Variants in EIF2B3 observed in about 807,000 individuals in gnomAD.
EIF2B3 encodes the protein translation initiation factor eIF2B subunit gamma.
A neutral mutation model predicts 54.1 loss-of-function variants in EIF2B3; 20 were observed. The ratio of observed to expected loss-of-function variants is 0.37; its 90% CI spans 0.26 to 0.54. The LOEUF (loss-of-function observed/expected upper bound fraction) is 0.54. Ranked by LOEUF, EIF2B3 falls within the 20% of genes least tolerant of loss-of-function variation. The pLI is 0.86. For synonymous variants in EIF2B3, 153 were observed against 188.1 expected, an observed-to-expected ratio of 0.81 and a Z score of 1.52; for missense variants, 448 against 547.8, an observed-to-expected ratio of 0.82 and a Z score of 1.82.
rs1194274966 is a variant in EIF2B3, at chr1:44,941,645, G to A, written c.315C>T (p.Ser105=). ...AGGCAACGTCTGTTATCAGATCACA[G>A]CTCAGCACCAGCACATCTGTCTGTT... The part of the protein sequence containing the change: ...PKLKTDVLVL[S]CDLITDVALH... The change falls in exon 4 of 12, where the codon AGC becomes AGT. Residue 105 remains serine, a synonymous_variant. Coordinates refer to ENST00000360403, the MANE Select transcript of EIF2B3 (RefSeq NM_020365.5). 1 of 1,613,974 alleles carries A rather than the reference G, an allele frequency of 6.2e-7. No homozygotes were observed. The highest frequency in any genetic ancestry group is 8.5e-7 in the Non-Finnish European group (1 of 1,180,028).
At chr1:44,946,038 T>C (rs977953265) in intron 3 of EIF2B3, among the ~76,000 whole-genome samples, 1 of 152,226 alleles carries the variant, frequency 6.6e-6, no homozygotes, top group Non-Finnish European at 1.5e-5. Flanking sequence ...GTACAGTGAA[T>C]GCCAAACAAG....
At chr1:44,858,579 C>G (rs1056523921) in intron 10 of EIF2B3, among the ~76,000 whole-genome samples, 1 of 152,100 alleles carries the variant, frequency 6.6e-6, no homozygotes, top group Non-Finnish European at 1.5e-5. Flanking sequence ...AAGCAATTCT[C>G]CTGCCTCAGC....
intron 4 of EIF2B3, among the ~76,000 whole-genome samples, chr1:44,938,306 C>T (rs1643979647): frequency 2.0e-5 from 3 of 152,052 alleles, no homozygotes; most frequent in South Asian, 4.1e-4. Flanking sequence ...TCTTAGCCTT[C>T]AAATGTAACA....
chr1:44,924,806 A>G (rs1161032626), intron 5 of EIF2B3, among the ~76,000 whole-genome samples: 3 of 152,132 alleles, frequency 2.0e-5, no homozygotes, highest in African/African-American at 7.2e-5. Context: ...TAGTTTTAAG[A>G]AAATTTCTTC....
At chr1:44,890,577 G>C (rs1655761837) in intron 6 of EIF2B3, among the ~76,000 whole-genome samples, 1 of 152,138 alleles carries the variant, frequency 6.6e-6, no homozygotes, top group Admixed American at 6.5e-5. Flanking sequence ...TCAGATATTA[G>C]GTTTGCTAAA....
chr1:44,901,966 T>C (rs1643316033), intron 5 of EIF2B3, among the ~76,000 whole-genome samples: 1 of 152,190 alleles, frequency 6.6e-6, no homozygotes, highest in South Asian at 2.1e-4. Context: ...TGTAATCCAT[T>C]TTCTTTTTTC....
intron 5 of EIF2B3, among the ~76,000 whole-genome samples, chr1:44,902,829 TAAAAAAAAAA>T (rs11458839): frequency 0.11 from 9,333 of 85,520 alleles, 1,259 homozygotes; most frequent in African/African-American, 0.33. Flanking sequence ...ACTCTTTCTT[TAAAAAAAAAA>T]AAAAAAAAAA....
intron 3 of EIF2B3, among the ~76,000 whole-genome samples, chr1:44,954,089 A>C (rs898728087): frequency 1.3e-5 from 2 of 152,214 alleles, no homozygotes; most frequent in Non-Finnish European, 2.9e-5. Flanking sequence ...TTATTTTATA[A>C]TGCTAGAAGC....
intron 11 of EIF2B3, among the ~76,000 whole-genome samples, chr1:44,855,458 T>C (rs2148892084): frequency 6.6e-6 from 1 of 152,292 alleles, no homozygotes; most frequent in South Asian, 2.1e-4. Context: ...GATCCAACAT[T>C]CATTCATTCA....
intron 3 of EIF2B3, among the ~76,000 whole-genome samples, chr1:44,967,739 CA>C (rs35067923): frequency 0.021 from 1,046 of 49,532 alleles, 10 homozygotes; most frequent in African/African-American, 0.062. Context: ...ATGCTGTCTT[CA>C]AAAAAAAAAA....
intron 6 of EIF2B3, among the ~76,000 whole-genome samples, chr1:44,886,143 G>A (rs1569620802): frequency 6.6e-6 from 1 of 151,738 alleles, no homozygotes; most frequent in South Asian, 2.1e-4. Flanking sequence ...GCAGTGGCAC[G>A]GTCTCGGTTC....
At chr1:44,917,208 G>T (rs994044748) in intron 5 of EIF2B3, among the ~76,000 whole-genome samples, 1 of 152,002 alleles carries the variant, frequency 6.6e-6, no homozygotes, top group African/African-American at 2.4e-5. Context: ...AAAATCTGCA[G>T]ATGTGCCAGG....
rs1656050878 is a variant in EIF2B3 at position 44,898,443 on chromosome 1, G to A, written c.567-999C>T. ...CACTTAGCATTGTGCCTGACACAGA[G>A]TAAATGTCCAATAAATAGTTGTTGA... is the stretch of plus-strand genomic sequence containing the variant. On this transcript the variant is annotated intron_variant, in intron 5 of 11. Coordinates refer to ENST00000360403, the MANE Select transcript of EIF2B3 (RefSeq NM_020365.5). Among the ~76,000 whole-genome samples, 3 of 152,162 alleles carry A rather than the reference G, an allele frequency of 2.0e-5. No individual in the cohort carries two copies. In the South Asian group the frequency reaches 6.2e-4, roughly 32 times the overall value.
intron 5 of EIF2B3, among the ~76,000 whole-genome samples, chr1:44,916,781 C>T: frequency 2.0e-5 from 3 of 146,694 alleles, no homozygotes; most frequent in Admixed American, 6.8e-5. Context: ...CACTGTACTC[C>T]AGCCTTGAGA....
chr1:44,942,394 TATATATATATATATATATATATA>T (rs1557696883), intron 3 of EIF2B3, among the ~76,000 whole-genome samples: 12 of 16,740 alleles, frequency 7.2e-4, no homozygotes, highest in South Asian at 6.7e-3. Context: ...TATATATATA[TATATATATATATATATATATATA>T]TTTTTTTTTT....
At chr1:44,889,869 C>T (rs1655737474) in intron 6 of EIF2B3, among the ~76,000 whole-genome samples, 1 of 152,164 alleles carries the variant, frequency 6.6e-6, no homozygotes, top group Non-Finnish European at 1.5e-5. Flanking sequence ...CTCTAATAGA[C>T]TGGGACTCCT....
intron 3 of EIF2B3, among the ~76,000 whole-genome samples, chr1:44,973,597 A>T (rs1644423768): frequency 6.6e-6 from 1 of 152,116 alleles, no homozygotes; most frequent in South Asian, 2.1e-4. Context: ...CCAGCTACTC[A>T]GGAGGCTGAG....
intron 4 of EIF2B3, among the ~76,000 whole-genome samples, chr1:44,934,718 T>C (rs1019108954): frequency 6.6e-6 from 1 of 152,144 alleles, no homozygotes; most frequent in Non-Finnish European, 1.5e-5. Context: ...TTGGCCAGAC[T>C]GGTCTTGAAT....
chr1:44,875,629 TGACAATCTGGGCTGACGAATG>T lies in EIF2B3; in HGVS notation c.1021_1041del (p.His341_Val347del). The T allele has an allele frequency of 3.1e-6, 5 of 1,614,184 alleles. No homozygotes were observed. In the South Asian group the frequency reaches 5.5e-5, roughly 18 times the overall value. On this transcript the variant is annotated inframe_deletion, in exon 9 of 12. Transcript: ENST00000360403. ...ACACTAGCACTTACCAGGTGTTTGC[TGACAATCTGGGCTGACGAATG>T]GACTGGTGGTTCTTCTGGACAGAGA...
Sources: gnomAD v4.1 joint callset for allele counts (sites outside exome capture counted in the v4.1 genomes callset) on GRCh38, gnomAD v4.1.1 for gene constraint, MANE v1.5 for transcripts, NCBI Gene and HGNC (gene_info 2026-07-23, HGNC 2026-07-21) for gene names.